Variants in DUS3L observed in about 807,000 individuals in gnomAD.
The protein encoded by DUS3L is dihydrouridine synthase 3 like.
DUS3L carries 62 observed loss-of-function variants against 74.6 expected under a neutral mutation model. That is an observed-to-expected ratio of 0.83 (90% confidence interval 0.68 to 1.03). DUS3L has a LOEUF of 1.03. Among genes scored for constraint, DUS3L ranks in the 50% least tolerant of loss-of-function variants. The probability of loss-of-function intolerance (pLI) is 0.00; values close to 1 mark genes in which losing one functional copy is unlikely to be tolerated. For synonymous variants in DUS3L, 433 were observed against 395.7 expected (o/e 1.09, Z -1.12); for missense variants, 884 against 924.4 (o/e 0.96, Z 0.57).
In DUS3L at chr19:5,785,241, C is replaced by T. The variant is rs183908607; in HGVS notation, c.1915G>A (p.Ala639Thr). 147 of 1,610,558 alleles carry T rather than the reference C, an allele frequency of 9.1e-5. 1 individual carries two copies. The highest frequency in any genetic ancestry group is 2.3e-4 in the Admixed American group (14 of 59,640). ...TTGGCCTTGTGCTTCGGCAAGAAGG[C>T]GAAGCTGGGGGGCACTGGCCCAAGG... is the stretch of plus-strand genomic sequence containing the variant. ...MLLGPVPPSF[A>T]FLPKHKANAY... Residue 639 changes from alanine to threonine, a missense_variant, in exon 13 of 13, where the codon GCC (alanine) becomes ACC (threonine). Physicochemically the swap from Ala to Thr is moderately conservative, Grantham distance 58 (BLOSUM62 0). Transcript: ENST00000309061.
In DUS3L at chr19:5,789,379, G is replaced by A. The variant is rs753614615; in HGVS notation, c.728C>T (p.Ala243Val). ...GGCTGCCGTGCCCTCGGGGACAGCG[G>A]CAGCGGGTGTGGGGCCCTGGCTGAA... ...RRFSQGPTPAAAVPEGTAAEG... is the reference protein window; with the variant it reads ...RRFSQGPTPAVAVPEGTAAEG... Residue 243 changes from alanine to valine, a missense_variant, in exon 3 of 13, where the codon GCC becomes GTC. By Grantham distance (64) the Ala-to-Val change is moderately conservative. Transcript: ENST00000309061. The A allele has an allele frequency of 6.3e-7, 1 of 1,592,398 alleles. No homozygotes were observed. The highest frequency in any genetic ancestry group is 1.8e-5 in the Admixed American group (1 of 56,818).
At position 5,790,062 on chromosome 19, in the gene DUS3L, A is replaced by G. The variant is rs2056894427; in HGVS notation, c.372T>C (p.Cys124=). ...CCGCACTTGCCTGGATTAGGGAGGG[A>G]CACAGCCTGTTCTTGTCGTAGTTCG... ...KPTNYDKNRL[C]PSLIQESAAK... is the part of the protein sequence containing the mutation. The change falls in exon 2 of 13, where the codon TGT becomes TGC. Residue 124 remains cysteine, a synonymous_variant. Coordinates refer to ENST00000309061, the MANE Select transcript of DUS3L (RefSeq NM_020175.3). 3.7e-6 allele frequency: 6 copies of G among 1,613,970 alleles called. No homozygotes were observed. The highest frequency in any genetic ancestry group is 5.1e-6 in the Non-Finnish European group (6 of 1,179,930).
Position 5,786,744 on chromosome 19 carries a change from C to T in DUS3L, c.1486+5G>A. The T allele has an allele frequency of 6.2e-7, 1 of 1,610,422 alleles. No homozygotes were observed. Among genetic ancestry groups the T allele is most frequent in the Non-Finnish European group, 8.5e-7 (1 of 1,179,004 alleles). On this transcript the variant is annotated splice_donor_5th_base_variant and intron_variant, in intron 9 of 12. Transcript: ENST00000309061. ...GAGAGGGAGGTGGCTTCCCGGAACA[C>T]CCACCGAACAGGGGCATGGGGCTGG...
rs1018196577 is a variant in DUS3L at position 5,785,863 on chromosome 19, G to A, written c.1563-72C>T. ...GGATCGTGTGGCCTCTGCTTCCATG[G>A]CCTGGCCTGAGCCGGAGCCCAGACC... On this transcript the variant is annotated intron_variant, in intron 10 of 12. Transcript: ENST00000309061. The A allele has an allele frequency of 7.5e-6, 11 of 1,459,720 alleles. No individual in the cohort carries two copies. In the African/African-American group the frequency reaches 1.4e-4, roughly 19 times the overall value. The allele number at this position is 1,459,720 out of a possible 1,614,324, so 90.4% of individuals were successfully genotyped here.
intron 5 of DUS3L, among the ~76,000 whole-genome samples, 157 bp from the exon 6 acceptor site, chr19:5,787,862 C>T (rs1171632655): frequency 1.3e-5 from 2 of 152,230 alleles, no homozygotes; most frequent in Admixed American, 6.5e-5. Context: ...CACCGGTCCC[C>T]GGCCACGGCC....
Position 5,785,799 on chromosome 19 carries a change from A to G in DUS3L, c.1563-8T>C. Reference sequence around the variant, plus strand: ...GGCTTGAGCAGGGCGCCACTGTGGGACGGGTGACGATCAGTGGGCCCAGCC... The same window carrying G: ...GGCTTGAGCAGGGCGCCACTGTGGGGCGGGTGACGATCAGTGGGCCCAGCC... On this transcript the variant is annotated splice_region_variant and splice_polypyrimidine_tract_variant and intron_variant, in intron 10 of 12. Coordinates refer to ENST00000309061, the MANE Select transcript of DUS3L (RefSeq NM_020175.3). 1 of 1,576,472 alleles carries G rather than the reference A, an allele frequency of 6.3e-7. No homozygotes were observed.
chr19:5,787,929 G>A, intron 5 of DUS3L, 95 bp downstream of exon 5: 1 of 1,547,194 alleles, frequency 6.5e-7, no homozygotes, highest in Non-Finnish European at 8.7e-7. Context: ...GAGGCCAGGG[G>A]GTCAGGGAGG....
intron 1 of DUS3L, among the ~76,000 whole-genome samples, chr19:5,790,580 G>C (rs2056900304): frequency 6.6e-6 from 1 of 152,088 alleles, no homozygotes; most frequent in South Asian, 2.1e-4. Context: ...ACGTCCCTGC[G>C]CACGTTAGGC....
In DUS3L at chr19:5,786,757, G is replaced by A. The variant is rs140791550; in HGVS notation, c.1478C>T (p.Pro493Leu). Residue 493 changes from proline (P) to leucine (L), a missense_variant, in exon 9 of 13, where the codon CCC (proline) becomes CTC (leucine). By Grantham distance (98) the Pro-to-Leu change is moderately conservative. Coordinates refer to ENST00000309061, the MANE Select transcript of DUS3L (RefSeq NM_020175.3). ...EECVQAASPM[P>L]LFGNGDILSF... ...CTTCCCGGAACACCCACCGAACAGG[G>A]GCATGGGGCTGGCGGCCTGCACGCA... The A allele has an allele frequency of 2.5e-4, 410 of 1,611,824 alleles. No individual in the cohort carries two copies. Among genetic ancestry groups the A allele is most frequent in the Non-Finnish European group, 3.3e-4 (389 of 1,179,704 alleles).
In DUS3L at chr19:5,787,316, T is replaced by G; in HGVS notation, c.1258A>C (p.Ile420Leu). The change falls in exon 7 of 13, where the codon ATC (isoleucine) becomes CTC (leucine). Residue 420 changes from isoleucine (I) to leucine (L), a missense_variant. Transcript: ENST00000309061. The part of the protein sequence containing the change: ...LMNRSTKFQQ[I>L]VRGMNQVLDV... ...CGTACCTGGTTCATGCCACGGACGA[T>G]CTGCTGGAACTTGGTGGAGCGATTC... The G allele has an allele frequency of 6.7e-7, 1 of 1,488,272 alleles. No individual in the cohort carries two copies. Among genetic ancestry groups the G allele is most frequent in the South Asian group, 1.1e-5 (1 of 87,386 alleles). 92.2% of individuals were successfully genotyped at this position (1,488,272 alleles called of 1,614,324 possible).
In DUS3L at chr19:5,787,320, C is replaced by T. The variant is rs1290769302; in HGVS notation, c.1254G>A (p.Gln418=). 8.8e-7 allele frequency: 1 copy of T among 1,134,670 alleles called. No individual in the cohort carries two copies. The highest frequency in any genetic ancestry group is 6.3e-5 in the East Asian group (1 of 15,916). The allele number at this position is 1,134,670 out of a possible 1,614,324, so 70.3% of individuals were successfully genotyped here. A position where few individuals can be genotyped will look rare whatever the true frequency, so the allele number is the denominator to read the frequency against. Residue 418 remains glutamine, a synonymous_variant, in exon 7 of 13, where the codon CAG becomes CAA. Transcript: ENST00000309061. ...CCTGGTTCATGCCACGGACGATCTG[C>T]TGGAACTTGGTGGAGCGATTCATGA... ...CALMNRSTKF[Q]QIVRGMNQVL... is the part of the protein sequence containing the mutation.
In DUS3L at chr19:5,787,109, C is replaced by T. The variant is rs751159552; in HGVS notation, c.1341G>A (p.Ala447=). ...CCCGCAGCTCGGGCAGCAGGCGGTG[C>T]GCCAGGTTCACACGCTCCTGGACGC... ...RTGVQERVNL[A]HRLLPELRDW... Residue 447 remains alanine, a synonymous_variant, in exon 8 of 13, where the codon GCG becomes GCA. Transcript: ENST00000309061. 5.3e-5 allele frequency: 52 copies of T among 974,132 alleles called. No homozygotes were observed. The East Asian group carries it at 1.3e-3, about 24-fold the overall frequency. The allele number at this position is 974,132 out of a possible 1,614,324, so 60.3% of individuals were successfully genotyped here. A position where few individuals can be genotyped will look rare whatever the true frequency, so the allele number is the denominator to read the frequency against.
chr19:5,787,703 CAGCTGT>C lies in DUS3L; in HGVS notation c.1096-4_1097del. On this transcript the variant is annotated splice_acceptor_variant and splice_polypyrimidine_tract_variant and coding_sequence_variant and intron_variant, in exon 6 of 13. Coordinates refer to ENST00000309061, the MANE Select transcript of DUS3L (RefSeq NM_020175.3). LOFTEE classifies it high-confidence loss of function. ...TCATGGTGTCGGGGAAGGCGCCCTCCAGCTGTAGGTGGGTAGTGGCAGAACAGGAGG... is the reference window on the plus strand; with the variant it reads ...TCATGGTGTCGGGGAAGGCGCCCTCCAGGTGGGTAGTGGCAGAACAGGAGG... The C allele has an allele frequency of 3.7e-6, 6 of 1,613,104 alleles. 1 individual carries two copies. In the South Asian group the frequency reaches 6.6e-5, roughly 18 times the overall value.
chr19:5,789,870 A>G (rs892114323), intron 2 of DUS3L, 151 bp from the exon 3 acceptor site: 110 of 1,288,094 alleles, frequency 8.5e-5, no homozygotes, highest in Non-Finnish European at 1.1e-4. Context: ...CATTTATACA[A>G]TGAGAACAAT....
chr19:5,791,128 G>T lies in DUS3L; in HGVS notation c.14C>A (p.Thr5Lys). The change falls in exon 1 of 13, where the codon ACG becomes AAG. Residue 5 changes from threonine to lysine, a missense_variant. Physicochemically the swap from Thr to Lys is moderately conservative, Grantham distance 78. Transcript: ENST00000309061. MAEGTAEAPLENGGG... is the reference protein window; with the variant it reads MAEGKAEAPLENGGG... ...ACCATTCTCTAGAGGAGCCTCCGCCGTTCCCTCCGCCATCGGCGCCCCTCA... is the reference window on the plus strand; with the variant it reads ...ACCATTCTCTAGAGGAGCCTCCGCCTTTCCCTCCGCCATCGGCGCCCCTCA... The T allele has an allele frequency of 6.2e-7, 1 of 1,605,910 alleles. No homozygotes were observed. Among genetic ancestry groups the T allele is most frequent in the Non-Finnish European group, 8.5e-7 (1 of 1,176,696 alleles).
chr19:5,785,843 G>A (rs371385217), intron 10 of DUS3L, 52 bp from the exon 11 acceptor site: 635 of 1,497,900 alleles, frequency 4.2e-4, no homozygotes, highest in Non-Finnish European at 5.4e-4. Flanking sequence ...GCCTGGGATC[G>A]TGTGGCCTCT....
chr19:5,788,414 TACAC>T lies in DUS3L; in HGVS notation c.901-20_901-17del, dbSNP rs767749799. ...GGATGTCCAGCTGGAGGGAAAAAAA[TACAC>T]ACAAGTGGAGCTTGGCCTCCACCCC... On this transcript the variant is annotated splice_polypyrimidine_tract_variant and intron_variant, in intron 3 of 12. Transcript: ENST00000309061. The T allele has an allele frequency of 6.2e-6, 10 of 1,610,758 alleles. No homozygotes were observed. In the African/African-American group the frequency reaches 6.7e-5, roughly 11 times the overall value.
rs1568385401 is a variant in DUS3L, at chr19:5,786,316, G to A, written c.1562+151C>T. 2.8e-5 allele frequency: 20 copies of A among 721,364 alleles called. 1 individual carries two copies. In the South Asian group the frequency reaches 3.4e-4, roughly 12 times the overall value. The allele number at this position is 721,364 out of a possible 1,614,324, so 44.7% of individuals were successfully genotyped here. The stretch of plus-strand genomic sequence containing the variant: ...GCAGCAATTTCCAGTCCCCTCTGCC[G>A]CAACGCAGCTGCAACTCCTGACATC... On this transcript the variant is annotated intron_variant, in intron 10 of 12. Transcript: ENST00000309061.
chr19:5,788,235 AG>A lies in DUS3L; in HGVS notation c.943-60del, dbSNP rs1260237762. ...TGCACGCGCACACACACACACACAC[AG>A]CAGAACCCTGAATATGCGCCCCAGC... On this transcript the variant is annotated intron_variant, in intron 4 of 12. Transcript: ENST00000309061. The A allele has an allele frequency of 5.6e-5, 88 of 1,567,290 alleles. No individual in the cohort carries two copies. The South Asian group carries it at 6.5e-4, about 12-fold the overall frequency.
Sources: allele counts gnomAD v4.1 joint callset (sites outside exome capture counted in the v4.1 genomes callset), GRCh38; gene constraint gnomAD v4.1.1; transcripts MANE v1.5; gene names NCBI Gene and HGNC (gene_info 2026-07-23, HGNC 2026-07-21).